The following MACF1 variants were observed in gnomAD, a reference collection of about 807,000 sequenced individuals.
MACF1 encodes the protein microtubule actin crosslinking factor 1.
A neutral mutation model predicts 854.8 loss-of-function variants in MACF1; 193 were observed. The ratio of observed to expected loss-of-function variants is 0.23; its 90% CI spans 0.20 to 0.25. MACF1 has a LOEUF of 0.25. MACF1 is among the 10% of genes least tolerant of loss of function. MACF1 has a pLI of 1.00. For synonymous variants in MACF1, 3,185 were observed against 3,226.7 expected (o/e 0.99, Z 0.44); for missense variants, 7,722 against 8,929.1 (o/e 0.86, Z 5.45).
chr1:39,117,533 G>GTGT (rs1642577568), intron 2 of MACF1, among the ~76,000 whole-genome samples: 4 of 147,618 alleles, frequency 2.7e-5, no homozygotes, highest in Non-Finnish European at 6.0e-5. Context: ...ACCTGCAAGA[G>GTGT]GTGTGTGTGT....
intron 1 of MACF1, among the ~76,000 whole-genome samples, chr1:39,223,014 A>G (rs1328887549): frequency 6.6e-6 from 1 of 152,200 alleles, no homozygotes; most frequent in East Asian, 1.9e-4. Flanking sequence ...AGTAGGACAG[A>G]TAAACAAGTA....
At chr1:39,384,732 C>T (rs1350586469) in intron 56 of MACF1, among the ~76,000 whole-genome samples, 1 of 152,216 alleles carries the variant, frequency 6.6e-6, no homozygotes, top group Non-Finnish European at 1.5e-5. Flanking sequence ...TGAGAGTTGA[C>T]ATGGCAAGCC....
intron 5 of MACF1, chr1:39,254,794 A>T (rs1361498892): frequency 5.4e-6 from 1 of 185,514 alleles, no homozygotes; most frequent in Non-Finnish European, 1.1e-5. Context: ...AGATCTGAGA[A>T]AAAGGTCTAA....
rs936198585 is a variant in MACF1, at chr1:39,210,493, C to T, written c.109+5362C>T. 2.8e-4 allele frequency among the ~76,000 whole-genome samples: 43 copies of T among 151,950 alleles called. 1 individual carries two copies. Among genetic ancestry groups the T allele is most frequent in the Admixed American group, 2.6e-3 (40 of 15,260 alleles). ...GGGACTATAGGCACCCTCTACCATG[C>T]CTGGCTCTTTTTCTTTCCTTTGCAT... On this transcript the variant is annotated intron_variant, in intron 1 of 100. Coordinates refer to ENST00000564288, the MANE Select transcript of MACF1 (RefSeq NM_001394062.1).
In MACF1 at chr1:39,442,316, G is replaced by T; in HGVS notation, c.18944G>T (p.Arg6315Leu). Residue 6315 changes from arginine to leucine, a missense_variant, in exon 76 of 101, where the codon CGA (arginine) becomes CTA (leucine). This residue lies in a region of MACF1 where 2,807 missense variants were observed against 3,235.8 expected (regional missense o/e 0.87). Transcript: ENST00000564288. ...AACCTGGGTGAGAAAATTGCCCACC[G>T]ACAGGTAAGGCAGGTGGTAGATGAC... ...WENLGEKIAH[R>L]QHKLEGALLA... The T allele has an allele frequency of 1.3e-6, 2 of 1,594,922 alleles. No individual in the cohort carries two copies. The highest frequency in any genetic ancestry group is 1.1e-5 in the South Asian group (1 of 88,398).
intron 2 of MACF1, among the ~76,000 whole-genome samples, chr1:39,134,166 G>T (rs1268067229): frequency 6.7e-6 from 1 of 149,230 alleles, no homozygotes; most frequent in Non-Finnish European, 1.5e-5. Context: ...TCAGCCTCCC[G>T]AGTAGCTGGG....
chr1:39,410,238 A>T, intron 58 of MACF1: 1 of 1,511,112 alleles, frequency 6.6e-7, no homozygotes, highest in Non-Finnish European at 9.0e-7. Context: ...CTTTTGAAAG[A>T]TTGATGGTTC....
At chr1:39,469,654 GC>G (rs2124133307) in intron 97 of MACF1, 39 bp downstream of exon 97, 2 of 1,480,436 alleles carry the variant, frequency 1.4e-6, no homozygotes, top group Non-Finnish European at 1.8e-6. Context: ...TCACACCCTA[GC>G]CCATTGAGAA....
Position 39,231,174 on chromosome 1 carries a change from C to T in MACF1, c.110-8C>T, listed in dbSNP as rs772061659. On this transcript the variant is annotated splice_polypyrimidine_tract_variant and splice_region_variant and intron_variant, in intron 1 of 100. Transcript: ENST00000564288. Reference sequence around the variant, plus strand: ...TAAGCCAGTGCCTTCTCTGTGTTTCCTTTACAGATGAACGGGACCGGGTTC... The same window carrying T: ...TAAGCCAGTGCCTTCTCTGTGTTTCTTTTACAGATGAACGGGACCGGGTTC... The T allele has an allele frequency of 2.5e-6, 4 of 1,613,916 alleles. No homozygotes were observed. In the African/African-American group the frequency reaches 5.3e-5, roughly 22 times the overall value.
chr1:39,231,122 C>T lies in MACF1; in HGVS notation c.110-60C>T, dbSNP rs554217733. 2.0e-5 allele frequency: 25 copies of T among 1,254,722 alleles called. No homozygotes were observed. In the East Asian group the frequency reaches 2.8e-4, roughly 14 times the overall value. 77.7% of individuals were successfully genotyped at this position (1,254,722 alleles called of 1,614,324 possible). ...AACAGAGATGTGGGCAGGGCAGCAG[C>T]GTGGGAACCTGTTACCTGGGTAGCA... On this transcript the variant is annotated intron_variant, in intron 1 of 100. Transcript: ENST00000564288.
intron 2 of MACF1, among the ~76,000 whole-genome samples, chr1:39,129,786 T>C (rs1369142443): frequency 6.6e-6 from 1 of 152,224 alleles, no homozygotes; most frequent in Non-Finnish European, 1.5e-5. Flanking sequence ...ACACACATTA[T>C]TGGTTAGTTA....
intron 80 of MACF1, among the ~76,000 whole-genome samples, chr1:39,445,094 A>G (rs1355699211): frequency 6.6e-6 from 1 of 152,160 alleles, no homozygotes; most frequent in African/African-American, 2.4e-5. Context: ...ATTAATCACC[A>G]ATTTGTGTTC....
At position 39,361,142 on chromosome 1, in the gene MACF1, A is replaced by G. The variant is rs139943222; in HGVS notation, c.12453+141A>G. On this transcript the variant is annotated intron_variant, in intron 48 of 100. Coordinates refer to ENST00000564288, the MANE Select transcript of MACF1 (RefSeq NM_001394062.1). The stretch of plus-strand genomic sequence containing the variant: ...TTTAGAAATGATAACTAATCTATGT[A>G]AAGATATTTCTACCCAGTTGAGCTG... 2.7e-3 allele frequency: 2,356 copies of G among 861,724 alleles called. 6 individuals carry two copies. Among genetic ancestry groups the G allele is most frequent in the Non-Finnish European group, 3.7e-3 (2,071 of 558,876 alleles). The allele number at this position is 861,724 out of a possible 1,614,324, so 53.4% of individuals were successfully genotyped here. A position where few individuals can be genotyped will look rare whatever the true frequency, so the allele number is the denominator to read the frequency against.
At chr1:39,391,413 A>ATG in intron 58 of MACF1, among the ~76,000 whole-genome samples, 1 of 152,194 alleles carries the variant, frequency 6.6e-6, no homozygotes, top group East Asian at 1.9e-4. Context: ...TTGGCTGTGC[A>ATG]TGTGTGTGTG....
At chr1:39,094,422 G>T (rs954146377) in intron 2 of MACF1, among the ~76,000 whole-genome samples, 1 of 148,796 alleles carries the variant, frequency 6.7e-6, no homozygotes, top group African/African-American at 2.5e-5. Context: ...AAAAAGAAAA[G>T]AAAAAAGAAA....
intron 1 of MACF1, among the ~76,000 whole-genome samples, chr1:39,211,680 A>G (rs535929387): frequency 1.3e-5 from 2 of 152,236 alleles, no homozygotes; most frequent in South Asian, 2.1e-4. Context: ...CAGGAGCTCA[A>G]AACCAGCCTG....
chr1:39,186,224 G>GTA (rs1644171126), intron 2 of MACF1, among the ~76,000 whole-genome samples: 2 of 56,818 alleles, frequency 3.5e-5, no homozygotes, highest in African/African-American at 7.5e-5. Flanking sequence ...CTGTGTGTGT[G>GTA]TGTGTGTGTG....
intron 100 of MACF1, 64 bp downstream of exon 100, chr1:39,484,794 A>G (rs1645074320): frequency 6.3e-7 from 1 of 1,594,306 alleles, no homozygotes; most frequent in Non-Finnish European, 8.6e-7. Flanking sequence ...CCTATGTGGA[A>G]TGTTTCACTG....
intron 58 of MACF1, chr1:39,414,493 G>A: frequency 2.5e-6 from 4 of 1,613,966 alleles, no homozygotes; most frequent in Non-Finnish European, 3.4e-6. Flanking sequence ...TGTCCATTTT[G>A]ATTCTGGGAA....
Sources: allele counts gnomAD v4.1 joint callset (sites outside exome capture counted in the v4.1 genomes callset), GRCh38; gene constraint gnomAD v4.1.1; regional missense constraint gnomAD v4.1.1; transcripts MANE v1.5; gene names NCBI Gene and HGNC (gene_info 2026-07-23, HGNC 2026-07-21).